HYDIN: variants seen among roughly 807,000 people sequenced by gnomAD.
HYDIN encodes the protein axonemal central pair apparatus protein HYDIN.
A neutral mutation model predicts 403.9 loss-of-function variants in HYDIN; 132 were observed. That is an observed-to-expected ratio of 0.33 (90% CI 0.28 to 0.38). The LOEUF (loss-of-function observed/expected upper bound fraction) is 0.38, where lower values mean the gene tolerates loss of function less well. Among genes scored for constraint, HYDIN ranks in the 10% least tolerant of loss-of-function variants. The pLI is 1.00. For synonymous variants in HYDIN, 1,202 were observed against 1,891.7 expected, an observed-to-expected ratio of 0.64 and a Z score of 9.46; for missense variants, 2,827 against 5,009.5, an observed-to-expected ratio of 0.56 and a Z score of 13.15.
chr16:71,035,778 G>C (rs74318369), intron 18 of HYDIN, among the ~76,000 whole-genome samples: 61,376 of 151,868 alleles, frequency 0.4, 13,030 homozygotes, highest in Non-Finnish European at 0.47. Flanking sequence ...ATTTAGTCAT[G>C]CAAAGATCTC....
At chr16:70,925,681 A>G (rs1313060102) in intron 45 of HYDIN, among the ~76,000 whole-genome samples, 4 of 150,700 alleles carry the variant, frequency 2.7e-5, no homozygotes, top group Admixed American at 6.6e-5. Flanking sequence ...GCAACCTACA[A>G]AATGGGAGAA....
chr16:70,931,497 G>T (rs1033524491), intron 45 of HYDIN, among the ~76,000 whole-genome samples: 2 of 152,024 alleles, frequency 1.3e-5, no homozygotes, highest in African/African-American at 4.8e-5. Context: ...CCAGCAGCAT[G>T]AATGTGACCT....
intron 7 of HYDIN, among the ~76,000 whole-genome samples, chr16:71,143,831 A>G (rs1450912423): frequency 6.6e-6 from 1 of 152,312 alleles, no homozygotes; most frequent in East Asian, 1.9e-4. Flanking sequence ...AAAATTCTTT[A>G]TGGTTTTAGA....
intron 27 of HYDIN, 39 bp from the exon 28 acceptor site, chr16:70,985,361 T>G (rs2079160513): frequency 1.9e-6 from 2 of 1,078,906 alleles, no homozygotes. Flanking sequence ...CATCTTGGGA[T>G]GCGGCTTTGA....
intron 1 of HYDIN, among the ~76,000 whole-genome samples, chr16:71,211,449 G>C (rs577573517): frequency 4.6e-5 from 7 of 151,400 alleles, no homozygotes; most frequent in Non-Finnish European, 1.0e-4. Context: ...GACCATCCTG[G>C]CTAACAAGGT....
chr16:70,924,685 A>C (rs867061240), intron 45 of HYDIN, among the ~76,000 whole-genome samples: 12 of 21,992 alleles, frequency 5.5e-4, no homozygotes, highest in Middle Eastern at 7.2e-3. Flanking sequence ...TATCCTCAGC[A>C]AACTAATGCA....
intron 78 of HYDIN, among the ~76,000 whole-genome samples, chr16:70,834,574 G>A (rs1440806272): frequency 6.6e-6 from 1 of 152,080 alleles, no homozygotes; most frequent in East Asian, 1.9e-4. Context: ...CCGGTTGGGT[G>A]CCGTGGCTCA....
chr16:71,151,499 G>T (rs899476648), intron 7 of HYDIN, among the ~76,000 whole-genome samples: 5 of 151,722 alleles, frequency 3.3e-5, no homozygotes, highest in Admixed American at 6.6e-5. Context: ...TCCAGGGATG[G>T]GTTCTTTCCT....
At chr16:70,990,320 AG>A (rs1330115220) in intron 25 of HYDIN, among the ~76,000 whole-genome samples, 18 of 136,894 alleles carry the variant, frequency 1.3e-4, no homozygotes, top group Admixed American at 1.3e-3. Flanking sequence ...GCTTGAACCC[AG>A]GAGGTGGAGG....
At chr16:71,196,224 T>C (rs1008199971) in intron 1 of HYDIN, among the ~76,000 whole-genome samples, 3 of 152,370 alleles carry the variant, frequency 2.0e-5, no homozygotes, top group East Asian at 1.9e-4. Flanking sequence ...TGCCCAGATA[T>C]CCAGCTAAAC....
intron 18 of HYDIN, among the ~76,000 whole-genome samples, chr16:71,033,506 A>C (rs1285885820): frequency 6.6e-6 from 1 of 152,154 alleles, no homozygotes; most frequent in African/African-American, 2.4e-5. Context: ...GGAAGCCATT[A>C]TCCCCAGCAA....
At chr16:70,888,985 C>T (rs1189704156) in intron 58 of HYDIN, among the ~76,000 whole-genome samples, 2 of 152,072 alleles carry the variant, frequency 1.3e-5, no homozygotes, top group Non-Finnish European at 2.9e-5. Context: ...TAGGAGTAGG[C>T]TTCTGTTGGG....
At chr16:71,066,212 A>G (rs897754269) in intron 15 of HYDIN, among the ~76,000 whole-genome samples, 1 of 152,096 alleles carries the variant, frequency 6.6e-6, no homozygotes, top group African/African-American at 2.4e-5. Flanking sequence ...GCAGGACTAG[A>G]CTGAAAGGCA....
chr16:70,858,727 G>T (rs1417059796), intron 71 of HYDIN, among the ~76,000 whole-genome samples: 90 of 152,278 alleles, frequency 5.9e-4, no homozygotes, highest in South Asian at 4.6e-3. Context: ...AGACCAGCAT[G>T]ACTTTGGATG....
At chr16:71,043,826 T>C (rs2081364447) in intron 18 of HYDIN, among the ~76,000 whole-genome samples, 1 of 151,860 alleles carries the variant, frequency 6.6e-6, no homozygotes, top group Admixed American at 6.6e-5. Context: ...CAGTGGCTCA[T>C]GCCTGTAATC....
rs200497083 is a variant in HYDIN at position 71,131,155 on chromosome 16, ACT to A, written c.1044-1334_1044-1333del. On this transcript the variant is annotated intron_variant, in intron 8 of 85. Transcript: ENST00000393567. ...CAACTCCTGTCAGTATTGTCAAATA[ACT>A]CTTTTTAAATAACATATGTGTTCAG... is the stretch of plus-strand genomic sequence containing the variant. 7.2e-4 allele frequency among the ~76,000 whole-genome samples: 24 copies of A among 33,498 alleles called. No individual in the cohort carries two copies. In the East Asian group the frequency reaches 0.012, roughly 17 times the overall value. The allele number at this position is 33,498 out of a possible 152,430, so 22.0% of individuals were successfully genotyped here.
chr16:70,810,034 C>T (rs753185210), intron 84 of HYDIN, 27 bp from the exon 85 acceptor site: 2 of 1,607,790 alleles, frequency 1.2e-6, no homozygotes, highest in Non-Finnish European at 1.7e-6. Context: ...AGGATCCTGT[C>T]ATGCTGAAAG....
At chr16:70,875,126 T>C (rs929126476) in intron 62 of HYDIN, among the ~76,000 whole-genome samples, 3 of 151,744 alleles carry the variant, frequency 2.0e-5, no homozygotes, top group African/African-American at 4.8e-5. Flanking sequence ...TCAGCCCTTG[T>C]TATCTGAGTG....
Position 71,069,493 on chromosome 16 carries a change from T to G in HYDIN, c.1748A>C (p.His583Pro). Residue 583 changes from histidine (H) to proline (P), a missense_variant, in exon 14 of 86, where the codon CAT (histidine) becomes CCT (proline). Transcript: ENST00000393567. ...HFGDVSFGFPHTLICSLNNTS... is the reference protein window; with the variant it reads ...HFGDVSFGFPPTLICSLNNTS... ...ATTATTGAGGGAACATATCAAGGTA[T>G]GAGGAAACCCTGGAAAACAAAATAT... The G allele has an allele frequency of 6.2e-7, 1 of 1,612,814 alleles. No homozygotes were observed. The highest frequency in any genetic ancestry group is 1.3e-5 in the African/African-American group (1 of 74,968).
Sources: gnomAD v4.1 joint callset for allele counts (sites outside exome capture counted in the v4.1 genomes callset) on GRCh38, gnomAD v4.1.1 for gene constraint, MANE v1.5 for transcripts, NCBI Gene and HGNC (gene_info 2026-07-23, HGNC 2026-07-21) for gene names.